Variants in HEPACAM observed in about 807,000 individuals in gnomAD.
The protein encoded by HEPACAM is hepatocyte cell adhesion molecule.
A neutral mutation model predicts 38.3 loss-of-function variants in HEPACAM; 18 were observed. That is an observed-to-expected ratio of 0.47 (90% CI 0.33 to 0.70). The LOEUF is 0.70. Ranked by LOEUF, HEPACAM falls within the 30% of genes least tolerant of loss-of-function variation. The pLI, the probability that HEPACAM is intolerant of heterozygous loss-of-function variation, is 0.03. For synonymous variants in HEPACAM, 216 were observed against 243.1 expected (o/e 0.89, Z 1.04); for missense variants, 466 against 563.0 (o/e 0.83, Z 1.74).
intron 1 of HEPACAM, among the ~76,000 whole-genome samples, chr11:124,934,505 G>A (rs1346785874): frequency 6.6e-6 from 1 of 150,874 alleles, no homozygotes; most frequent in Non-Finnish European, 1.5e-5. Flanking sequence ...GGGGAAATGT[G>A]GACATAGACA....
chr11:124,930,518 G>C (rs79642747), intron 1 of HEPACAM, among the ~76,000 whole-genome samples: 3,027 of 151,768 alleles, frequency 0.02, 100 homozygotes, highest in African/African-American at 0.067. Context: ...TGCGTACCTA[G>C]TTAATAGGTA....
chr11:124,921,272 G>C lies in HEPACAM; in HGVS notation c.1117C>G (p.Arg373Gly). 1 of 1,367,872 alleles carries C rather than the reference G, an allele frequency of 7.3e-7. No individual in the cohort carries two copies. The highest frequency in any genetic ancestry group is 9.4e-7 in the Non-Finnish European group (1 of 1,067,510). The allele number at this position is 1,367,872 out of a possible 1,614,324, so 84.7% of individuals were successfully genotyped here. Residue 373 changes from arginine (R) to glycine (G), a missense_variant, in exon 7 of 7, where the codon CGG becomes GGG. Coordinates refer to ENST00000298251, the MANE Select transcript of HEPACAM (RefSeq NM_152722.5). The surrounding 1 kb of genome is among the most constrained non-coding windows in gnomAD (Gnocchi z 4.6). ...RSPARSPATG[R>G]THSSPPRAPS... is the part of the protein sequence containing the mutation. ...GCCCTGGGCGGCGACGAGTGTGTCC[G>C]GCCGGTGGCTGGGGAGCGCGCTGGG...
chr11:124,934,807 G>A (rs558419798), intron 1 of HEPACAM, among the ~76,000 whole-genome samples: 1 of 152,102 alleles, frequency 6.6e-6, no homozygotes, highest in African/African-American at 2.4e-5. Flanking sequence ...ATGACCCCCT[G>A]CAGACTGAGT....
chr11:124,923,292 G>T, intron 4 of HEPACAM, 48 bp downstream of exon 4: 1 of 1,218,228 alleles, frequency 8.2e-7, no homozygotes, highest in South Asian at 1.2e-5. Flanking sequence ...TGGGGCTTAG[G>T]TTTGGGATGG....
At position 124,934,097 on chromosome 11, in the gene HEPACAM, C is replaced by A. The variant is rs1947314253; in HGVS notation, c.85+1825G>T. 2.6e-5 allele frequency among the ~76,000 whole-genome samples: 4 copies of A among 152,284 alleles called. No homozygotes were observed. In the South Asian group the frequency reaches 8.3e-4, roughly 32 times the overall value. On this transcript the variant is annotated intron_variant, in intron 1 of 6. Coordinates refer to ENST00000298251, the MANE Select transcript of HEPACAM (RefSeq NM_152722.5). ...TGCCACCCAACTCCAGGCTATGTGA[C>A]ATCTTCACACGGAAGCCTCATAAGT... is the stretch of plus-strand genomic sequence containing the variant.
intron 1 of HEPACAM, among the ~76,000 whole-genome samples, chr11:124,927,659 C>G (rs186109309): frequency 6.6e-6 from 1 of 152,114 alleles, no homozygotes; most frequent in Admixed American, 6.6e-5. Context: ...GTGGGCCATT[C>G]ATACCTGGCC....
chr11:124,924,582 T>C lies in HEPACAM; in HGVS notation c.427+146A>G, dbSNP rs886786271. ...ACATGTTAGCTGTGCTGTGCCTGTC[T>C]GCCAACTTCTAATGTCCACTTGCCT... is the stretch of plus-strand genomic sequence containing the variant. On this transcript the variant is annotated intron_variant, in intron 2 of 6. Transcript: ENST00000298251. The surrounding 1 kb of genome is among the most constrained non-coding windows in gnomAD (Gnocchi z 4.4). 1.9e-5 allele frequency: 15 copies of C among 783,996 alleles called. No individual in the cohort carries two copies. The highest frequency in any genetic ancestry group is 3.2e-5 in the Non-Finnish European group (14 of 434,128). 48.6% of individuals were successfully genotyped at this position (783,996 alleles called of 1,614,324 possible). A position where few individuals can be genotyped will look rare whatever the true frequency, so the allele number is the denominator to read the frequency against.
Position 124,921,304 on chromosome 11 carries a change from G to A in HEPACAM, c.1085C>T (p.Pro362Leu). ...GLPIRSARRY[P>L]RSPARSPATG... ...GGCTGGGGAGCGCGCTGGGGAGCGC[G>A]GGTAGCGGCGGGCAGAGCGGATGGG... is the stretch of plus-strand genomic sequence containing the variant. Residue 362 changes from proline to leucine, a missense_variant, in exon 7 of 7, where the codon CCG (proline) becomes CTG (leucine). Physicochemically the swap from Pro to Leu is moderately conservative, Grantham distance 98 (BLOSUM62 -3). Coordinates refer to ENST00000298251, the MANE Select transcript of HEPACAM (RefSeq NM_152722.5). The surrounding 1 kb of genome is among the most constrained non-coding windows in gnomAD (Gnocchi z 4.6). 1 of 1,301,930 alleles carries A rather than the reference G, an allele frequency of 7.7e-7. No homozygotes were observed. Among genetic ancestry groups the A allele is most frequent in the Non-Finnish European group, 9.7e-7 (1 of 1,032,158 alleles). 80.6% of individuals were successfully genotyped at this position (1,301,930 alleles called of 1,614,324 possible).
At position 124,923,971 on chromosome 11, in the gene HEPACAM, G is replaced by A; in HGVS notation, c.467C>T (p.Thr156Ile). ...SRPQVLVAST[T>I]VLELSEAFTL... ...GAAGGCCTCGCTGAGCTCCAGCACA[G>A]TGGTTGAAGCCACCAACACCTGTGG... Residue 156 changes from threonine (T) to isoleucine (I), a missense_variant, in exon 3 of 7, where the codon ACT (threonine) becomes ATT (isoleucine). Transcript: ENST00000298251. The A allele has an allele frequency of 6.2e-7, 1 of 1,611,542 alleles. No individual in the cohort carries two copies. The highest frequency in any genetic ancestry group is 8.5e-7 in the Non-Finnish European group (1 of 1,179,914).
chr11:124,931,611 G>A (rs1947281768), intron 1 of HEPACAM, among the ~76,000 whole-genome samples: 1 of 152,212 alleles, frequency 6.6e-6, no homozygotes, highest in Non-Finnish European at 1.5e-5. Context: ...TCTCATACAT[G>A]TTGATAGGAG....
At chr11:124,928,953 A>G (rs1056744311) in intron 1 of HEPACAM, among the ~76,000 whole-genome samples, 1 of 152,204 alleles carries the variant, frequency 6.6e-6, no homozygotes, top group Non-Finnish European at 1.5e-5. Context: ...AAATTAACTG[A>G]CACCTGTCTG....
chr11:124,925,524 T>C (rs1947197144), intron 1 of HEPACAM, among the ~76,000 whole-genome samples: 1 of 152,122 alleles, frequency 6.6e-6, no homozygotes, highest in Non-Finnish European at 1.5e-5. Context: ...ATCTTCTTGA[T>C]TGGGGATTGG....
rs372037019 is a variant in HEPACAM, at chr11:124,924,018, G to T, written c.428-8C>A. 2 of 1,603,544 alleles carry T rather than the reference G, an allele frequency of 1.2e-6. No homozygotes were observed. The highest frequency in any genetic ancestry group is 8.5e-7 in the Non-Finnish European group (1 of 1,177,762). On this transcript the variant is annotated splice_polypyrimidine_tract_variant and splice_region_variant and intron_variant, in intron 2 of 6. Transcript: ENST00000298251. This position sits in a 1 kb window ranked among gnomAD's most constrained non-coding sequence, Gnocchi z 4.4. ...GTGGCCTCGAAATGGGCACTGAGCCGCAGGAATGGGGGAGCCTGTAAGTCA... is the reference window on the plus strand; with the variant it reads ...GTGGCCTCGAAATGGGCACTGAGCCTCAGGAATGGGGGAGCCTGTAAGTCA...
intron 5 of HEPACAM, 126 bp downstream of exon 5, chr11:124,922,619 T>A: frequency 6.2e-7 from 1 of 1,612,258 alleles, no homozygotes; most frequent in South Asian, 1.1e-5. Context: ...CTCTGCAGTC[T>A]TCGTGCAGTT....
chr11:124,927,013 C>T (rs767820427), intron 1 of HEPACAM, among the ~76,000 whole-genome samples: 7 of 152,096 alleles, frequency 4.6e-5, no homozygotes, highest in Non-Finnish European at 7.4e-5. Flanking sequence ...AGATTACAGG[C>T]GCCCGCCACC....
rs1351070745 is a variant in HEPACAM, at chr11:124,921,918, C to A, written c.948+470G>T. Among the ~76,000 whole-genome samples, 1 of 152,166 alleles carries A rather than the reference C, an allele frequency of 6.6e-6. No individual in the cohort carries two copies. The highest frequency in any genetic ancestry group is 1.9e-4 in the East Asian group (1 of 5,186). Reference sequence around the variant, plus strand: ...ATTCTGAGTACTATAAAGCAGGGGTCCCCACCCCCAGGCCGAGGACTGGTA... The same window carrying A: ...ATTCTGAGTACTATAAAGCAGGGGTACCCACCCCCAGGCCGAGGACTGGTA... On this transcript the variant is annotated intron_variant, in intron 6 of 6. Coordinates refer to ENST00000298251, the MANE Select transcript of HEPACAM (RefSeq NM_152722.5). The surrounding 1 kb of genome is among the most constrained non-coding windows in gnomAD (Gnocchi z 4.6).
intron 1 of HEPACAM, among the ~76,000 whole-genome samples, chr11:124,932,137 T>C (rs1244022239): frequency 6.6e-6 from 1 of 152,210 alleles, no homozygotes; most frequent in Non-Finnish European, 1.5e-5. Flanking sequence ...GATCTGAGGG[T>C]TGATTACATG....
rs920324091 is a variant in HEPACAM at position 124,920,557 on chromosome 11, C to A, written c.*581G>T. On this transcript the variant is annotated 3_prime_UTR_variant, in exon 7 of 7. Coordinates refer to ENST00000298251, the MANE Select transcript of HEPACAM (RefSeq NM_152722.5). ...GGTACCAGGTGCCCAGGGAAGAAGGCCTTCACAATGATCCCCCCAGCTCAG... is the reference window on the plus strand; with the variant it reads ...GGTACCAGGTGCCCAGGGAAGAAGGACTTCACAATGATCCCCCCAGCTCAG... The A allele has an allele frequency of 4.4e-6, 6 of 1,356,924 alleles. No homozygotes were observed. The African/African-American group carries it at 5.9e-5, about 13-fold the overall frequency. 84.1% of individuals were successfully genotyped at this position (1,356,924 alleles called of 1,614,324 possible).
chr11:124,923,549 G>A, intron 3 of HEPACAM, 116 bp from the exon 4 acceptor site: 1 of 1,095,084 alleles, frequency 9.1e-7, no homozygotes, highest in Non-Finnish European at 1.4e-6. Flanking sequence ...ATGCCTGGCT[G>A]ATGCTGGTGG....
Sources: gnomAD v4.1 joint callset for allele counts (sites outside exome capture counted in the v4.1 genomes callset) on GRCh38, gnomAD v4.1.1 for gene constraint, Gnocchi (gnomAD v3.1) non-coding constraint, MANE v1.5 for transcripts, NCBI Gene and HGNC (gene_info 2026-07-23, HGNC 2026-07-21) for gene names.